The following TTN variants were observed in gnomAD, a reference collection of about 807,000 sequenced individuals.
TTN encodes the protein connectin.
In TTN, 1,525 loss-of-function variants were observed where a neutral mutation model predicts 3,223.0. That is an observed-to-expected ratio of 0.47 (90% CI 0.45 to 0.49). The LOEUF (loss-of-function observed/expected upper bound fraction) is 0.49, where lower values mean the gene tolerates loss of function less well. Among genes scored for constraint, TTN ranks in the 20% least tolerant of loss-of-function variants. The pLI, the probability that TTN is intolerant of heterozygous loss-of-function variation, is 0.00. For synonymous variants in TTN, 14,094 were observed against 15,161.0 expected (o/e 0.93, Z 5.17); for missense variants, 40,786 against 43,424.0 (o/e 0.94, Z 5.40).
In TTN at chr2:178,610,390, C is replaced by G; in HGVS notation, c.51137-1G>C. The G allele has an allele frequency of 6.2e-7, 1 of 1,605,640 alleles. No individual in the cohort carries two copies. Among genetic ancestry groups the G allele is most frequent in the South Asian group, 1.1e-5 (1 of 88,922 alleles). On this transcript the variant is annotated splice_acceptor_variant, in intron 270 of 362. Transcript: ENST00000589042. LOFTEE classifies it high-confidence loss of function. Reference sequence around the variant, plus strand: ...ATATCTTTGCATGGTCCAGGTAGGCCTATTACAAAAATGGATAATTATTCT... The same window carrying G: ...ATATCTTTGCATGGTCCAGGTAGGCGTATTACAAAAATGGATAATTATTCT...
In TTN at chr2:178,547,141, G is replaced by C; in HGVS notation, c.94384C>G (p.Pro31462Ala). 6.2e-7 allele frequency: 1 copy of C among 1,613,756 alleles called. No individual in the cohort carries two copies. Among genetic ancestry groups the C allele is most frequent in the Non-Finnish European group, 8.5e-7 (1 of 1,179,770 alleles). ...ACTTTGTAGTTGCACTCTAAGCATG[G>C]CACTTTGTTTTCTTTCACCCAAAGA... Reference protein sequence around the residue: ...TILWVKENKVPCLECNYKVTG... With the variant: ...TILWVKENKVACLECNYKVTG... The change falls in exon 340 of 363, where the codon CCA becomes GCA. Residue 31462 changes from proline to alanine, a missense_variant. By Grantham distance (27) the Pro-to-Ala change is conservative (BLOSUM62 -1). Transcript: ENST00000589042.
At position 178,607,044 on chromosome 2, in the gene TTN, G is replaced by C. The variant is rs727503609; in HGVS notation, c.53558C>G (p.Pro17853Arg). 1.2e-6 allele frequency: 2 copies of C among 1,610,492 alleles called. No individual in the cohort carries two copies. Among genetic ancestry groups the C allele is most frequent in the Non-Finnish European group, 8.5e-7 (1 of 1,178,698 alleles). Reference protein sequence around the residue: ...FGCGPPVEIGPILAVDPLGPP... With the variant: ...FGCGPPVEIGRILAVDPLGPP... Reference sequence around the variant, plus strand: ...ACCTAGTGGATCAACTGCAAGAATTGGTCCTATTTCAACAGGAGGGCCACA... The same window carrying C: ...ACCTAGTGGATCAACTGCAAGAATTCGTCCTATTTCAACAGGAGGGCCACA... The change falls in exon 278 of 363, where the codon CCA becomes CGA. Residue 17853 changes from proline (P) to arginine (R), a missense_variant. By Grantham distance (103) the Pro-to-Arg change is moderately radical. Coordinates refer to ENST00000589042, the MANE Select transcript of TTN (RefSeq NM_001267550.2).
intron 47 of TTN, chr2:178,748,109 G>C: frequency 6.2e-7 from 1 of 1,613,078 alleles, no homozygotes; most frequent in Non-Finnish European, 8.5e-7. Context: ...TTTCAAATGT[G>C]AGATGGAACT....
chr2:178,613,330 C>T (rs7355451), intron 263 of TTN, 54 bp from the exon 264 acceptor site: 1 of 1,354,726 alleles, frequency 7.4e-7, no homozygotes, highest in African/African-American at 1.5e-5. Flanking sequence ...CAGAAGAAGC[C>T]TATGTTTATT....
rs752146866 is a variant in TTN, at chr2:178,624,588, A to G, written c.44692T>C (p.Tyr14898His). 2 of 1,612,642 alleles carry G rather than the reference A, an allele frequency of 1.2e-6. No individual in the cohort carries two copies. The highest frequency in any genetic ancestry group is 1.7e-6 in the Non-Finnish European group (2 of 1,179,168). Residue 14898 changes from tyrosine (Y) to histidine (H), a missense_variant, in exon 242 of 363, where the codon TAT (tyrosine) becomes CAT (histidine). Tyr to His is a moderately conservative substitution (Grantham distance 83, BLOSUM62 2). Transcript: ENST00000589042. ...NGTEILKSKK[Y>H]EIVADGRVRK... ...ACCCTGCCATCAGCAACAATTTCAT[A>G]CTTCTTGCTTTTGAGGATTTCTGTC...
In TTN at chr2:178,679,672, T is replaced by C; in HGVS notation, c.33591A>G (p.Val11197=). ...TCTCTTCTGGAACAGGTTTCCTGGG[T>C]ACCTCAGGCACTTTAAAGATATTAT... ...VPVIPVKVPE[V]PRKPVPEEKK... is the part of the protein sequence containing the mutation. Residue 11197 remains valine (V), a synonymous_variant, in exon 141 of 363, where the codon GTA becomes GTG. Transcript: ENST00000589042. 1 of 1,609,176 alleles carries C rather than the reference T, an allele frequency of 6.2e-7. No individual in the cohort carries two copies. Among genetic ancestry groups the C allele is most frequent in the Non-Finnish European group, 8.5e-7 (1 of 1,178,410 alleles).
Position 178,533,035 on chromosome 2 carries a change from A to T in TTN, c.103580T>A (p.Ile34527Lys). The T allele has an allele frequency of 1.2e-6, 2 of 1,613,618 alleles. No individual in the cohort carries two copies. The highest frequency in any genetic ancestry group is 1.7e-6 in the Non-Finnish European group (2 of 1,179,826). Residue 34527 changes from isoleucine (I) to lysine (K), a missense_variant, in exon 358 of 363, where the codon ATA becomes AAA. Ile to Lys is a moderately radical substitution (Grantham distance 102). Transcript: ENST00000589042. ...TTTTCTCTCCTCCTTCTTTTCTTCT[A>T]TCTCAAGTCTGAATTCCCCTTTTAC... Reference protein sequence around the residue: ...KTVKGEFRLEIEEKKEERKLR... With the variant: ...KTVKGEFRLEKEEKKEERKLR...
intron 47 of TTN, chr2:178,744,809 A>C: frequency 3.0e-6 from 3 of 985,122 alleles, no homozygotes; most frequent in Non-Finnish European, 2.4e-6. Context: ...TGCATTTTAC[A>C]CTTGATGTCA....
chr2:178,593,311 T>G lies in TTN; in HGVS notation c.58897A>C (p.Ile19633Leu). ...ACCCTAAATTTAGTGTATGGATGAATAGGATCTTTGGTAACTCTAGCCCAT... is the reference window on the plus strand; with the variant it reads ...ACCCTAAATTTAGTGTATGGATGAAGAGGATCTTTGGTAACTCTAGCCCAT... ...KRWARVTKDP[I>L]HPYTKFRVPD... Residue 19633 changes from isoleucine to leucine, a missense_variant, in exon 299 of 363, where the codon ATT (isoleucine) becomes CTT (leucine). Ile to Leu is a conservative substitution (Grantham distance 5, BLOSUM62 2). Coordinates refer to ENST00000589042, the MANE Select transcript of TTN (RefSeq NM_001267550.2). 2 of 1,613,382 alleles carry G rather than the reference T, an allele frequency of 1.2e-6. No individual in the cohort carries two copies. The highest frequency in any genetic ancestry group is 8.5e-7 in the Non-Finnish European group (1 of 1,179,548).
intron 243 of TTN, 32 bp from the exon 244 acceptor site, chr2:178,622,040 C>T: frequency 6.4e-7 from 1 of 1,558,836 alleles, no homozygotes; most frequent in Admixed American, 1.9e-5. Flanking sequence ...TATCAGTTTT[C>T]TTGTTGTTCC....
In TTN at chr2:178,575,809, G is replaced by A. The variant is rs751179969; in HGVS notation, c.70323C>T (p.Asn23441=). Residue 23441 remains asparagine (N), a synonymous_variant, in exon 326 of 363, where the codon AAC becomes AAT. Transcript: ENST00000589042. The surrounding 1 kb of genome is among the most constrained non-coding windows in gnomAD (Gnocchi z 4.0). ...CCTTTGTGATGTCTGTAGGCCGCAG[G>A]TTGAGGACTGGGCCTGGCGTGTCCA... is the stretch of plus-strand genomic sequence containing the variant. ...RVLDTPGPVL[N]LRPTDITKDS... 3 of 1,613,158 alleles carry A rather than the reference G, an allele frequency of 1.9e-6. No individual in the cohort carries two copies. Among genetic ancestry groups the A allele is most frequent in the South Asian group, 1.1e-5 (1 of 91,062 alleles).
intron 125 of TTN, 125 bp from the exon 126 acceptor site, chr2:178,688,903 A>G: frequency 1.8e-6 from 2 of 1,115,934 alleles, no homozygotes; most frequent in Non-Finnish European, 2.6e-6. Flanking sequence ...CAAGTTACAT[A>G]TCACAAGGAC....
At position 178,704,724 on chromosome 2, in the gene TTN, A is replaced by C. The variant is rs990983452; in HGVS notation, c.29748T>G (p.Asp9916Glu). The C allele has an allele frequency of 6.2e-7, 1 of 1,611,244 alleles. No individual in the cohort carries two copies. The highest frequency in any genetic ancestry group is 1.7e-5 in the Admixed American group (1 of 59,892). Residue 9916 changes from aspartate (D) to glutamate (E), a missense_variant, in exon 105 of 363, where the codon GAT becomes GAG. Coordinates refer to ENST00000589042, the MANE Select transcript of TTN (RefSeq NM_001267550.2). Reference protein sequence around the residue: ...IENQTVLKDNDAVFEIDIKIN... With the variant: ...IENQTVLKDNEAVFEIDIKIN... ...TTTTAATGTCAATTTCAAAGACAGC[A>C]TCATTATCTTTCAAAACTGTCTGAT...
intron 47 of TTN, among the ~76,000 whole-genome samples, chr2:178,743,609 C>A (rs2082894148): frequency 6.6e-6 from 1 of 151,808 alleles, no homozygotes; most frequent in Non-Finnish European, 1.5e-5. Flanking sequence ...AAACATTTTT[C>A]TATTTCTCTC....
In TTN at chr2:178,564,720, C is replaced by G; in HGVS notation, c.81412G>C (p.Asp27138His). ...TTGAACTCATACTCAAGGCCCTCAT[C>G]AAGCCCAGTTGTTTTGAATTTGGTG... is the stretch of plus-strand genomic sequence containing the variant. Reference protein sequence around the residue: ...QDTKFKTTGLDEGLEYEFKVS... With the variant: ...QDTKFKTTGLHEGLEYEFKVS... The change falls in exon 326 of 363, where the codon GAT (aspartate) becomes CAT (histidine). Residue 27138 changes from aspartate to histidine, a missense_variant. Transcript: ENST00000589042. 3 of 1,613,320 alleles carry G rather than the reference C, an allele frequency of 1.9e-6. No homozygotes were observed. The highest frequency in any genetic ancestry group is 2.5e-6 in the Non-Finnish European group (3 of 1,179,596).
Position 178,564,522 on chromosome 2 carries a change from C to G in TTN, c.81610G>C (p.Gly27204Arg). ...AGATCTTTCTTTTCTACAATATAAC[C>G]TGTTATTTTGCTACCACCATCATAG... The part of the protein sequence containing the change: ...PAYDGGSKIT[G>R]YIVEKKDLPD... The change falls in exon 326 of 363, where the codon GGT becomes CGT. Residue 27204 changes from glycine to arginine, a missense_variant. Coordinates refer to ENST00000589042, the MANE Select transcript of TTN (RefSeq NM_001267550.2). 1.2e-6 allele frequency: 2 copies of G among 1,612,832 alleles called. No homozygotes were observed. Among genetic ancestry groups the G allele is most frequent in the East Asian group, 2.2e-5 (1 of 44,694 alleles).
Position 178,618,574 on chromosome 2 carries a change from A to C in TTN, c.46966+10T>G, listed in dbSNP as rs1559852271. ...TTTGCCAATTAAGTCTGAGAGACCC[A>C]AGGGCTTACCAATAACTTTTAAATT... is the stretch of plus-strand genomic sequence containing the variant. On this transcript the variant is annotated intron_variant, in intron 251 of 362. Coordinates refer to ENST00000589042, the MANE Select transcript of TTN (RefSeq NM_001267550.2). The C allele has an allele frequency of 4.3e-6, 7 of 1,610,856 alleles. No homozygotes were observed. The highest frequency in any genetic ancestry group is 5.9e-6 in the Non-Finnish European group (7 of 1,178,760).
chr2:178,782,412 T>C lies in TTN; in HGVS notation c.3180A>G (p.Arg1060=). Residue 1060 remains arginine (R), a synonymous_variant, in exon 20 of 363, where the codon AGA becomes AGG. Transcript: ENST00000589042. ...GGCTAGTATCAGTCATAACCACATC[T>C]CTTGACTCAACAAAGCTGGAAAGAG... The part of the protein sequence containing the change: ...TTEEKRFVES[R]DVVMTDTSLT... The C allele has an allele frequency of 6.2e-7, 1 of 1,614,008 alleles. No homozygotes were observed. The highest frequency in any genetic ancestry group is 8.5e-7 in the Non-Finnish European group (1 of 1,179,994).
Position 178,572,744 on chromosome 2 carries a change from G to A in TTN, c.73388C>T (p.Ala24463Val). The A allele has an allele frequency of 6.2e-7, 1 of 1,613,470 alleles. No individual in the cohort carries two copies. Among genetic ancestry groups the A allele is most frequent in the Non-Finnish European group, 8.5e-7 (1 of 1,179,610 alleles). ...KGRPAPEVKW[A>V]RDHGESLDKA... ...ATCTAAAGATTCTCCATGGTCCCGG[G>A]CCCACTTCACCTCAGGTGCAGGCCT... The change falls in exon 326 of 363, where the codon GCC (alanine) becomes GTC (valine). Residue 24463 changes from alanine to valine, a missense_variant. Ala to Val is a moderately conservative substitution (Grantham distance 64). Transcript: ENST00000589042.
Sources: allele counts gnomAD v4.1 joint callset (sites outside exome capture counted in the v4.1 genomes callset), GRCh38; gene constraint gnomAD v4.1.1; non-coding constraint Gnocchi (gnomAD v3.1); transcripts MANE v1.5; gene names NCBI Gene and HGNC (gene_info 2026-07-23, HGNC 2026-07-21).